The following SLCO1B1 variants were observed in gnomAD, a reference collection of about 807,000 sequenced individuals.
SLCO1B1 encodes the protein OATP-2.
In SLCO1B1, 81 loss-of-function variants were observed where a neutral mutation model predicts 70.1. The ratio of observed to expected loss-of-function variants is 1.16; its 90% confidence interval spans 0.97 to 1.39. SLCO1B1 has a LOEUF of 1.39. Among genes scored for constraint, SLCO1B1 ranks in the 40% most tolerant of loss-of-function variants. The pLI, the probability that SLCO1B1 is intolerant of heterozygous loss-of-function variation, is 0.00. For missense variants in SLCO1B1, 895 were observed against 799.6 expected (o/e 1.12, Z -1.44); for synonymous variants, 283 against 271.5 (o/e 1.04, Z -0.42).
Position 21,202,691 on chromosome 12 carries a change from G to A in SLCO1B1, c.1331+5G>A. 6.2e-7 allele frequency: 1 copy of A among 1,601,624 alleles called. No homozygotes were observed. Among genetic ancestry groups the A allele is most frequent in the Non-Finnish European group, 8.5e-7 (1 of 1,170,622 alleles). ...ACTAACCATGACCTATGATGGGTTT[G>A]TATATATCACTATATCAATTGCATA... On this transcript the variant is annotated splice_donor_5th_base_variant and intron_variant, in intron 10 of 14. Transcript: ENST00000256958.
At chr12:21,236,538 A>AT (rs1396961399) in intron 14 of SLCO1B1, among the ~76,000 whole-genome samples, 1 of 152,194 alleles carries the variant, frequency 6.6e-6, no homozygotes, top group Non-Finnish European at 1.5e-5. Context: ...ATTGCCACCA[A>AT]TAGCATTACC....
chr12:21,137,730 G>A (rs1008368351), intron 1 of SLCO1B1, among the ~76,000 whole-genome samples: 11 of 152,142 alleles, frequency 7.2e-5, no homozygotes, highest in South Asian at 4.1e-4. Context: ...TCCAGGTGCC[G>A]TCTGTCACCC....
chr12:21,172,536 G>T, intron 2 of SLCO1B1, 114 bp from the exon 3 acceptor site: 1 of 1,211,162 alleles, frequency 8.3e-7, no homozygotes, highest in Admixed American at 1.7e-5. Context: ...TGGTTTTTAA[G>T]ATACAAATAA....
chr12:21,131,976 A>G (rs931398202), intron 1 of SLCO1B1, among the ~76,000 whole-genome samples: 7 of 152,022 alleles, frequency 4.6e-5, no homozygotes, highest in Non-Finnish European at 1.0e-4. Context: ...TCCTAATGCT[A>G]TCCCTCCCCT....
chr12:21,222,428 A>G, intron 13 of SLCO1B1, 64 bp downstream of exon 13: 1 of 150,520 alleles, frequency 6.6e-6, no homozygotes, highest in Non-Finnish European at 1.1e-5. Flanking sequence ...ATATATATAT[A>G]CACACACACA....
At position 21,165,958 on chromosome 12, in the gene SLCO1B1, C is replaced by T. The variant is rs138148565; in HGVS notation, c.85-6692C>T. 1.4e-4 allele frequency among the ~76,000 whole-genome samples: 21 copies of T among 151,302 alleles called. No individual in the cohort carries two copies. The East Asian group carries it at 2.7e-3, about 20-fold the overall frequency. ...ATTTGAGCAGTTAGAACACAGAATC[C>T]GCAAACTTGAAGATAAGACAATTGA... On this transcript the variant is annotated intron_variant, in intron 2 of 14. Coordinates refer to ENST00000256958, the MANE Select transcript of SLCO1B1 (RefSeq NM_006446.5).
intron 2 of SLCO1B1, among the ~76,000 whole-genome samples, chr12:21,171,417 G>A (rs1444928267): frequency 6.6e-6 from 1 of 152,128 alleles, no homozygotes; most frequent in African/African-American, 2.4e-5. Context: ...GGTTGTTTAT[G>A]GTCTCATAGG....
chr12:21,158,059 A>T (rs149510603), intron 2 of SLCO1B1, among the ~76,000 whole-genome samples: 1 of 152,318 alleles, frequency 6.6e-6, no homozygotes, highest in Admixed American at 6.5e-5. Context: ...TTTGTCATCA[A>T]ATTGATGTGA....
chr12:21,233,971 G>C (rs952990184), intron 14 of SLCO1B1, among the ~76,000 whole-genome samples: 1 of 152,210 alleles, frequency 6.6e-6, no homozygotes, highest in African/African-American at 2.4e-5. Flanking sequence ...TGCCTAGACA[G>C]AGCTTATTTA....
intron 2 of SLCO1B1, among the ~76,000 whole-genome samples, chr12:21,143,345 T>C (rs992504784): frequency 1.3e-5 from 2 of 152,074 alleles, no homozygotes; most frequent in Non-Finnish European, 2.9e-5. Context: ...TTCTTAATTT[T>C]CTGTATTTGA....
At chr12:21,177,325 T>C in intron 5 of SLCO1B1, among the ~76,000 whole-genome samples, 1 of 152,032 alleles carries the variant, frequency 6.6e-6, no homozygotes, top group East Asian at 1.9e-4. Context: ...CAATAGGAAA[T>C]TGACAAAGAA....
chr12:21,143,969 A>T (rs1333149159), intron 2 of SLCO1B1, among the ~76,000 whole-genome samples: 2 of 152,014 alleles, frequency 1.3e-5, no homozygotes, highest in African/African-American at 4.8e-5. Context: ...CAAATTGATA[A>T]TATATCCGTG....
intron 4 of SLCO1B1, among the ~76,000 whole-genome samples, chr12:21,175,201 G>A (rs911651590): frequency 6.6e-6 from 1 of 152,080 alleles, no homozygotes; most frequent in Non-Finnish European, 1.5e-5. Flanking sequence ...GCCAGTTCAA[G>A]GATGATATGA....
intron 7 of SLCO1B1, among the ~76,000 whole-genome samples, chr12:21,195,694 A>AT (rs1314692407): frequency 1.3e-5 from 2 of 151,886 alleles, no homozygotes; most frequent in Non-Finnish European, 2.9e-5. Flanking sequence ...TTTGTTTCTA[A>AT]TTTTTTTTAA....
rs1464878896 is a variant in SLCO1B1 at position 21,178,670 on chromosome 12, G to T, written c.576G>T (p.Gly192=). The change falls in exon 6 of 15, where the codon GGG becomes GGT. Residue 192 remains glycine (G), a synonymous_variant. Transcript: ENST00000256958. ...GGGAGACTCCCATAGTACCATTGGG[G>T]CTTTCTTACATTGATGATTTCGCTA... ...GIGETPIVPL[G]LSYIDDFAKE... is the part of the protein sequence containing the mutation. 1 of 1,606,826 alleles carries T rather than the reference G, an allele frequency of 6.2e-7. No individual in the cohort carries two copies. The highest frequency in any genetic ancestry group is 2.2e-5 in the East Asian group (1 of 44,778).
intron 7 of SLCO1B1, among the ~76,000 whole-genome samples, chr12:21,186,645 A>G (rs1392639870): frequency 1.3e-5 from 2 of 152,028 alleles, no homozygotes; most frequent in African/African-American, 4.8e-5. Flanking sequence ...AAATGAATCC[A>G]GCATAAAGAT....
chr12:21,209,868 T>A lies in SLCO1B1; in HGVS notation c.1497+3835T>A, dbSNP rs549099492. On this transcript the variant is annotated intron_variant, in intron 11 of 14. Transcript: ENST00000256958. Reference sequence around the variant, plus strand: ...TGCATAAGTGTCTTCTTTTGAGAAGTGTCTGTTCATGTCCTTCGCCCACTT... The same window carrying A: ...TGCATAAGTGTCTTCTTTTGAGAAGAGTCTGTTCATGTCCTTCGCCCACTT... 2.6e-4 allele frequency among the ~76,000 whole-genome samples: 39 copies of A among 152,280 alleles called. No individual in the cohort carries two copies. The South Asian group carries it at 6.4e-3, about 25-fold the overall frequency.
Position 21,237,455 on chromosome 12 carries a change from A to G in SLCO1B1, c.1866-1524A>G, listed in dbSNP as rs767784562. 1.6e-4 allele frequency among the ~76,000 whole-genome samples: 25 copies of G among 152,100 alleles called. 1 individual carries two copies. Among genetic ancestry groups the G allele is most frequent in the African/African-American group, 5.3e-4 (22 of 41,504 alleles). On this transcript the variant is annotated intron_variant, in intron 14 of 14. Transcript: ENST00000256958. ...TTGCATGGTTTCTGAAGAGAAGTCT[A>G]TTTTCTCCCCTATAGATAAAATTTG...
intron 11 of SLCO1B1, 41 bp from the exon 12 acceptor site, chr12:21,217,077 CT>C: frequency 6.6e-7 from 1 of 1,507,786 alleles, no homozygotes. Flanking sequence ...ACTGTTAGGT[CT>C]TGCAAATTTC....
Sources: gnomAD v4.1 joint callset for allele counts (sites outside exome capture counted in the v4.1 genomes callset) on GRCh38, gnomAD v4.1.1 for gene constraint, MANE v1.5 for transcripts, NCBI Gene and HGNC (gene_info 2026-07-23, HGNC 2026-07-21) for gene names.